The following ME3 variants were observed in gnomAD, a reference collection of about 807,000 sequenced individuals.
ME3 encodes NADP-dependent malic enzyme, mitochondrial.
In ME3, 48 loss-of-function variants were observed where a neutral mutation model predicts 68.9. The ratio of observed to expected loss-of-function variants is 0.70; its 90% CI spans 0.55 to 0.89. ME3 has a LOEUF of 0.89. Ranked by LOEUF, ME3 falls within the 40% of genes least tolerant of loss-of-function variation. ME3 has a pLI of 0.00. For missense variants in ME3, 675 were observed against 797.4 expected (o/e 0.85, Z 1.85); for synonymous variants, 320 against 318.8 (o/e 1.00, Z -0.04).
intron 2 of ME3, among the ~76,000 whole-genome samples, chr11:86,601,856 A>G (rs1220510623): frequency 6.6e-6 from 1 of 151,060 alleles, no homozygotes; most frequent in Non-Finnish European, 1.5e-5. Context: ...CAAAAACCAC[A>G]TGATTATCTC....
chr11:86,505,699 A>G (rs540470101), intron 5 of ME3, among the ~76,000 whole-genome samples: 1 of 152,342 alleles, frequency 6.6e-6, no homozygotes, highest in Non-Finnish European at 1.5e-5. Context: ...AATCCTCACA[A>G]TAGGAAAGCA....
chr11:86,656,875 G>T (rs1053075793), intron 2 of ME3, among the ~76,000 whole-genome samples: 5 of 150,734 alleles, frequency 3.3e-5, no homozygotes, highest in African/African-American at 1.2e-4. Context: ...AAAAGCTCAT[G>T]ATCAGTGGTC....
intron 2 of ME3, among the ~76,000 whole-genome samples, chr11:86,621,975 TCAA>T (rs1403168552): frequency 6.6e-6 from 1 of 152,008 alleles, no homozygotes; most frequent in Admixed American, 6.5e-5. Flanking sequence ...CAGGAAAGTT[TCAA>T]CTTCCAGCAT....
At chr11:86,614,587 A>C (rs546817369) in intron 2 of ME3, among the ~76,000 whole-genome samples, 2 of 152,228 alleles carry the variant, frequency 1.3e-5, no homozygotes, top group East Asian at 3.9e-4. Context: ...CAGGTCTCCA[A>C]ATTCCCAGGG....
intron 2 of ME3, among the ~76,000 whole-genome samples, chr11:86,612,232 G>A (rs2135202420): frequency 6.6e-6 from 1 of 152,310 alleles, no homozygotes; most frequent in East Asian, 1.9e-4. Flanking sequence ...TCCCTGCAAA[G>A]GACATGATCT....
At chr11:86,494,941 C>A (rs1249544065) in intron 6 of ME3, among the ~76,000 whole-genome samples, 1 of 152,114 alleles carries the variant, frequency 6.6e-6, no homozygotes, top group African/African-American at 2.4e-5. Context: ...TATGTATAGG[C>A]ATAGAAAAAT....
chr11:86,470,041 G>A (rs137982035), intron 7 of ME3, among the ~76,000 whole-genome samples: 1,646 of 152,188 alleles, frequency 0.011, 13 homozygotes, highest in Non-Finnish European at 0.018. Flanking sequence ...TGGCTGTTCT[G>A]CCCTTCTCCC....
chr11:86,584,571 G>C (rs1958626238), intron 2 of ME3, among the ~76,000 whole-genome samples: 1 of 152,112 alleles, frequency 6.6e-6, no homozygotes, highest in East Asian at 1.9e-4. Context: ...GATAAATGGA[G>C]GATAAAAGGG....
intron 5 of ME3, 146 bp from the exon 6 acceptor site, chr11:86,498,270 G>A (rs1194577017): frequency 1.0e-6 from 1 of 954,296 alleles, no homozygotes; most frequent in East Asian, 2.9e-5. Context: ...TAAGGCCGGA[G>A]CATTTATTCA....
At chr11:86,528,915 A>C (rs1472956978) in intron 4 of ME3, among the ~76,000 whole-genome samples, 1 of 152,220 alleles carries the variant, frequency 6.6e-6, no homozygotes. Flanking sequence ...GAAAGATCTA[A>C]GATTGATACC....
intron 4 of ME3, 66 bp from the exon 5 acceptor site, chr11:86,508,933 C>T: frequency 7.8e-7 from 1 of 1,285,104 alleles, no homozygotes; most frequent in Non-Finnish European, 1.1e-6. Flanking sequence ...GAGCAAAGTC[C>T]ATAGTACTAG....
intron 2 of ME3, among the ~76,000 whole-genome samples, chr11:86,593,891 C>A (rs982805440): frequency 6.8e-6 from 1 of 146,386 alleles, no homozygotes; most frequent in Non-Finnish European, 1.5e-5. Flanking sequence ...ATAATTGTTT[C>A]CAAACTTCCA....
chr11:86,515,894 G>A (rs1360792936), intron 4 of ME3, among the ~76,000 whole-genome samples: 1 of 152,182 alleles, frequency 6.6e-6, no homozygotes, highest in Non-Finnish European at 1.5e-5. Context: ...AACACAGGAA[G>A]CCGCAGGCCA....
chr11:86,587,401 G>C (rs1230776759), intron 2 of ME3, among the ~76,000 whole-genome samples: 1 of 152,196 alleles, frequency 6.6e-6, no homozygotes, highest in African/African-American at 2.4e-5. Flanking sequence ...CTTAGGGATG[G>C]GCTTTTAAGC....
At chr11:86,566,886 G>A (rs1032443251) in intron 2 of ME3, among the ~76,000 whole-genome samples, 2 of 152,024 alleles carry the variant, frequency 1.3e-5, no homozygotes, top group African/African-American at 2.4e-5. Context: ...AGAAAATGTG[G>A]TGGGGTGTCA....
At chr11:86,665,468 A>C (rs557389643) in intron 2 of ME3, among the ~76,000 whole-genome samples, 1 of 152,298 alleles carries the variant, frequency 6.6e-6, no homozygotes, top group East Asian at 1.9e-4. Context: ...GGGTAGGAGC[A>C]CAACTGACTG....
At chr11:86,529,851 A>G (rs1017468159) in intron 4 of ME3, among the ~76,000 whole-genome samples, 1 of 152,222 alleles carries the variant, frequency 6.6e-6, no homozygotes, top group Non-Finnish European at 1.5e-5. Context: ...GATGGGACAT[A>G]TCTCAAAATA....
At chr11:86,436,522 A>G (rs915729308), downstream of ME3, 2 of 152,188 alleles carry the variant, frequency 1.3e-5, no homozygotes, top group East Asian at 3.9e-4. Flanking sequence ...GATGAAGTAC[A>G]ATTTATTTCT....
intron 3 of ME3, 63 bp from the exon 4 acceptor site, chr11:86,556,765 G>A (rs1594432337): frequency 6.4e-7 from 1 of 1,558,842 alleles, no homozygotes; most frequent in East Asian, 2.2e-5. Context: ...TGCCTCTGTG[G>A]TGTGGTGCAA....
Sources: gnomAD v4.1 joint callset for allele counts (sites outside exome capture counted in the v4.1 genomes callset) on GRCh38, gnomAD v4.1.1 for gene constraint, MANE v1.5 for transcripts, NCBI Gene and HGNC (gene_info 2026-07-23, HGNC 2026-07-21) for gene names.